PKHD1: variants seen among roughly 807,000 people sequenced by gnomAD.
The protein encoded by PKHD1 is PKHD1 ciliary IPT domain containing fibrocystin/polyductin.
In PKHD1, 291 loss-of-function variants were observed where a neutral mutation model predicts 412.0. The observed-to-expected ratio is 0.71, with a 90% CI of 0.64 to 0.78. The LOEUF is 0.78. Among genes scored for constraint, PKHD1 ranks in the 30% least tolerant of loss-of-function variants. The pLI is 0.00. For synonymous variants in PKHD1, 1,777 were observed against 1,821.5 expected, an observed-to-expected ratio of 0.98 and a Z score of 0.62; for missense variants, 4,825 against 4,950.7, an observed-to-expected ratio of 0.97 and a Z score of 0.76.
At chr6:51,977,411 A>ATGCCTTCATTTACAGAGCT (rs1794602644) in intron 35 of PKHD1, among the ~76,000 whole-genome samples, 1 of 152,226 alleles carries the variant, frequency 6.6e-6, no homozygotes, top group Non-Finnish European at 1.5e-5. Context: ...TTCATGTCCC[A>ATGCCTTCATTTACAGAGCT]TGCCTTCATT....
rs1224067905 is a variant in PKHD1, at chr6:51,950,218, A to ATATAT, written c.5908+9651_5908+9652insATATA. Reference sequence around the variant, plus strand: ...CAAATGGGCAATATAGAGAAAAAAAAAAATATATATATATATATATATGAA... The same window carrying ATATAT: ...CAAATGGGCAATATAGAGAAAAAAAATATATAAATATATATATATATATATATGAA... On this transcript the variant is annotated intron_variant, in intron 36 of 66. Transcript: ENST00000371117. 3.5e-3 allele frequency among the ~76,000 whole-genome samples: 145 copies of ATATAT among 40,922 alleles called. 1 individual carries two copies. The highest frequency in any genetic ancestry group is 7.5e-3 in the African/African-American group (102 of 13,572). The allele number at this position is 40,922 out of a possible 152,430, so 26.8% of individuals were successfully genotyped here.
Position 51,753,146 on chromosome 6 carries a change from T to C in PKHD1, c.8950+55A>G, listed in dbSNP as rs550375724. 9.3e-5 allele frequency: 136 copies of C among 1,466,978 alleles called. 1 individual carries two copies. In the South Asian group the frequency reaches 1.4e-3, roughly 15 times the overall value. 90.9% of individuals were successfully genotyped at this position (1,466,978 alleles called of 1,614,324 possible). A position where few individuals can be genotyped will look rare whatever the true frequency, so the allele number is the denominator to read the frequency against. ...TTCTCACAGTTGGGATTTCTGGGTG[T>C]CCCAGATGAATAGGCTCCAACTGGT... On this transcript the variant is annotated intron_variant, in intron 57 of 66. Coordinates refer to ENST00000371117, the MANE Select transcript of PKHD1 (RefSeq NM_138694.4).
In PKHD1 at chr6:51,791,430, A is replaced by C. The variant is rs145992044; in HGVS notation, c.8303-57T>G. On this transcript the variant is annotated intron_variant, in intron 52 of 66. Transcript: ENST00000371117. ...TCACAAAAACAAGAATTACGTGTTT[A>C]TTCTGGGGTTCTCCCAGCAGTTTGG... The C allele has an allele frequency of 1.3e-4, 203 of 1,554,922 alleles. 1 individual carries two copies. The African/African-American group carries it at 2.6e-3, about 20-fold the overall frequency.
intron 21 of PKHD1, among the ~76,000 whole-genome samples, chr6:52,051,008 T>C (rs1233251241): frequency 6.6e-6 from 1 of 152,218 alleles, no homozygotes; most frequent in Non-Finnish European, 1.5e-5. Flanking sequence ...TTGGTTACAA[T>C]GGAGACTTTA....
In PKHD1 at chr6:51,791,267, G is replaced by T. The variant is rs1036002703; in HGVS notation, c.8409C>A (p.Cys2803Ter). 3 of 1,613,908 alleles carry T rather than the reference G, an allele frequency of 1.9e-6. No homozygotes were observed. Among genetic ancestry groups the T allele is most frequent in the Non-Finnish European group, 1.7e-6 (2 of 1,179,862 alleles). ...TCAGCTCCCCGCCTGCAATGACCAT[G>T]CATGCCACACTCAGAACATTGCTTC... ...VDRSNVLSVA[C>*]MVIAGGELKV... The change falls in exon 53 of 67, where the codon TGC becomes TGA. Residue 2803 changes from cysteine to a stop codon, truncating the protein, a stop_gained. Transcript: ENST00000371117. LOFTEE classifies it high-confidence loss of function.
At chr6:51,822,492 C>T (rs897021352) in intron 52 of PKHD1, among the ~76,000 whole-genome samples, 1 of 152,128 alleles carries the variant, frequency 6.6e-6, no homozygotes, top group Non-Finnish European at 1.5e-5. Context: ...CTTAAATTAG[C>T]ATTGCCCTAA....
At position 52,082,491 on chromosome 6, in the gene PKHD1, T is replaced by A; in HGVS notation, c.182A>T (p.His61Leu). 6.2e-7 allele frequency: 1 copy of A among 1,613,964 alleles called. No individual in the cohort carries two copies. Among genetic ancestry groups the A allele is most frequent in the Non-Finnish European group, 8.5e-7 (1 of 1,179,886 alleles). Residue 61 changes from histidine to leucine, a missense_variant, in exon 4 of 67, where the codon CAC becomes CTC. Physicochemically the swap from His to Leu is moderately conservative, Grantham distance 99 (BLOSUM62 -3). Coordinates refer to ENST00000371117, the MANE Select transcript of PKHD1 (RefSeq NM_138694.4). ...CACCACCATGTTCACGTTCACCAGG[T>A]GTATCTCCAATTGAGAGCCATTGTT... Reference protein sequence around the residue: ...YPNNGSQLEIHLVNVNMVVPA... With the variant: ...YPNNGSQLEILLVNVNMVVPA...
intron 36 of PKHD1, among the ~76,000 whole-genome samples, chr6:51,949,189 A>G (rs943660695): frequency 2.0e-5 from 3 of 152,224 alleles, no homozygotes; most frequent in African/African-American, 7.2e-5. Flanking sequence ...ACTTGCCTAC[A>G]TTGATTAACC....
rs560200767 is a variant in PKHD1 at position 51,619,014 on chromosome 6, C to T, written c.*67G>A. The T allele has an allele frequency of 1.4e-6, 2 of 1,446,142 alleles. No individual in the cohort carries two copies. Among genetic ancestry groups the T allele is most frequent in the South Asian group, 1.1e-5 (1 of 87,046 alleles). The allele number at this position is 1,446,142 out of a possible 1,614,324, so 89.6% of individuals were successfully genotyped here. A position where few individuals can be genotyped will look rare whatever the true frequency, so the allele number is the denominator to read the frequency against. ...TCCCAGCAGGACAGTCCTCACTTCC[C>T]CAGCTTATTATCCAGAAATACTGGG... On this transcript the variant is annotated 3_prime_UTR_variant, in exon 67 of 67. Coordinates refer to ENST00000371117, the MANE Select transcript of PKHD1 (RefSeq NM_138694.4).
At chr6:51,693,412 T>C (rs2150647316) in intron 60 of PKHD1, among the ~76,000 whole-genome samples, 1 of 152,352 alleles carries the variant, frequency 6.6e-6, no homozygotes, top group African/African-American at 2.4e-5. Context: ...ACAAAAAGAT[T>C]TCTTTAGAAC....
rs1225774213 is a variant in PKHD1, at chr6:52,062,637, C to A, written c.1000G>T (p.Val334Phe). The A allele has an allele frequency of 1.2e-6, 2 of 1,614,150 alleles. No individual in the cohort carries two copies. The highest frequency in any genetic ancestry group is 8.5e-7 in the Non-Finnish European group (1 of 1,179,976). ...QPGNRGLLFE[V>F]GDAVEGLELT... ...TCCAGTCCCTCAACAGCATCTCCAA[C>A]TTCAAAAAGAAGCCCTCGATTGCCT... Residue 334 changes from valine (V) to phenylalanine (F), a missense_variant, in exon 14 of 67, where the codon GTT becomes TTT. By Grantham distance (50) the Val-to-Phe change is conservative. Transcript: ENST00000371117.
intron 56 of PKHD1, among the ~76,000 whole-genome samples, chr6:51,754,463 C>T (rs1370633974): frequency 2.0e-5 from 3 of 152,176 alleles, no homozygotes; most frequent in Non-Finnish European, 4.4e-5. Context: ...AAGTTTTATT[C>T]TGGCTTAGCC....
chr6:51,801,857 T>G (rs139806932), intron 52 of PKHD1, among the ~76,000 whole-genome samples: 1 of 152,166 alleles, frequency 6.6e-6, no homozygotes, highest in Non-Finnish European at 1.5e-5. Flanking sequence ...TTTTAAATTA[T>G]GATATTTTAA....
At position 51,889,934 on chromosome 6, in the gene PKHD1, C is replaced by T. The variant is rs772067781; in HGVS notation, c.6997-2689G>A. ...AGACCTAGAAATCAGGGGGAGAATC[C>T]ATTGCCAGGTACCCAGCAAAAATGC... On this transcript the variant is annotated intron_variant, in intron 43 of 66. Transcript: ENST00000371117. Among the ~76,000 whole-genome samples, 4 of 152,002 alleles carry T rather than the reference C, an allele frequency of 2.6e-5. No individual in the cohort carries two copies. In the South Asian group the frequency reaches 8.3e-4, roughly 32 times the overall value.
At chr6:52,070,893 T>C in intron 9 of PKHD1, 113 bp downstream of exon 9, 2 of 738,856 alleles carry the variant, frequency 2.7e-6, no homozygotes, top group Admixed American at 2.0e-5. Context: ...TAACAAATAG[T>C]AATTATTGTT....
At chr6:52,005,807 G>C (rs116481353) in intron 35 of PKHD1, among the ~76,000 whole-genome samples, 1,900 of 151,906 alleles carry the variant, frequency 0.013, 23 homozygotes, top group South Asian at 0.044. Flanking sequence ...TTGAAGGATC[G>C]CAAAAGTCCT....
intron 22 of PKHD1, 23 bp from the exon 23 acceptor site, chr6:52,048,642 T>A: frequency 6.2e-7 from 1 of 1,613,710 alleles, no homozygotes; most frequent in Non-Finnish European, 8.5e-7. Context: ...AGAAACAAAG[T>A]ATTAACGTCT....
At chr6:51,912,721 C>T (rs1783152757) in intron 37 of PKHD1, 145 bp from the exon 38 acceptor site, 1 of 667,468 alleles carries the variant, frequency 1.5e-6, no homozygotes. Context: ...GATAGGTAAG[C>T]ACTAATTTTT....
chr6:51,751,009 T>G (rs1323689584), intron 57 of PKHD1, among the ~76,000 whole-genome samples: 1 of 152,062 alleles, frequency 6.6e-6, no homozygotes, highest in Admixed American at 6.6e-5. Context: ...ACTCCTGACC[T>G]CAAGTGACCT....
Sources: allele counts gnomAD v4.1 joint callset (sites outside exome capture counted in the v4.1 genomes callset), GRCh38; gene constraint gnomAD v4.1.1; transcripts MANE v1.5; gene names NCBI Gene and HGNC (gene_info 2026-07-23, HGNC 2026-07-21).